The following CTNND2 variants were observed in gnomAD, a reference collection of about 807,000 sequenced individuals.
CTNND2 encodes catenin delta-2.
A neutral mutation model predicts 144.4 loss-of-function variants in CTNND2; 22 were observed. That is an observed-to-expected ratio of 0.15 (90% CI 0.11 to 0.22). The LOEUF is 0.22. CTNND2 is among the 10% of genes least tolerant of loss of function. The pLI is 1.00. For missense variants in CTNND2, 1,353 were observed against 1,618.8 expected, an observed-to-expected ratio of 0.84 and a Z score of 2.82; for synonymous variants, 751 against 695.6, an observed-to-expected ratio of 1.08 and a Z score of -1.25.
At position 11,685,380 on chromosome 5, in the gene CTNND2, T is replaced by C. The variant is rs1784601865; in HGVS notation, c.174+46756A>G. On this transcript the variant is annotated intron_variant, in intron 2 of 21. Coordinates refer to ENST00000304623, the MANE Select transcript of CTNND2 (RefSeq NM_001332.4). ...AGGTAGTTCACAATCTCACCTCTCA[T>C]GAATTCCTTACAACAAATACATAAT... 3.3e-5 allele frequency among the ~76,000 whole-genome samples: 5 copies of C among 152,210 alleles called. No individual in the cohort carries two copies. The South Asian group carries it at 1.0e-3, about 31-fold the overall frequency.
chr5:11,658,786 T>A (rs1783043204), intron 2 of CTNND2, among the ~76,000 whole-genome samples: 2 of 152,138 alleles, frequency 1.3e-5, no homozygotes, highest in African/African-American at 2.4e-5. Flanking sequence ...TTCCTGACAA[T>A]CAGCATTACT....
intron 2 of CTNND2, among the ~76,000 whole-genome samples, chr5:11,691,578 A>G (rs1784911485): frequency 6.6e-6 from 1 of 151,912 alleles, no homozygotes; most frequent in South Asian, 2.1e-4. Context: ...CAAATTATAT[A>G]TATTTTAAAA....
chr5:11,031,036 C>G (rs1297748965), intron 16 of CTNND2, among the ~76,000 whole-genome samples: 1 of 152,122 alleles, frequency 6.6e-6, no homozygotes, highest in African/African-American at 2.4e-5. Context: ...GGCATGCATA[C>G]TGGCTCTCTT....
intron 10 of CTNND2, among the ~76,000 whole-genome samples, chr5:11,204,343 T>C (rs997149804): frequency 5.9e-5 from 9 of 152,192 alleles, no homozygotes; most frequent in African/African-American, 2.2e-4. Flanking sequence ...TTCATACCCT[T>C]TGCCCTAAAA....
intron 1 of CTNND2, among the ~76,000 whole-genome samples, chr5:11,844,349 GAT>G (rs1193385706): frequency 1.3e-5 from 2 of 150,776 alleles, no homozygotes; most frequent in African/African-American, 4.9e-5. Context: ...TGAAGGGATG[GAT>G]AGACTGAAAT....
intron 1 of CTNND2, among the ~76,000 whole-genome samples, chr5:11,824,935 A>G (rs1438500333): frequency 6.6e-6 from 1 of 152,170 alleles, no homozygotes; most frequent in Non-Finnish European, 1.5e-5. Flanking sequence ...CACTGTACAC[A>G]TCTGAGCCTG....
chr5:11,699,859 T>C (rs1376852567), intron 2 of CTNND2, among the ~76,000 whole-genome samples: 1 of 152,248 alleles, frequency 6.6e-6, no homozygotes, highest in Admixed American at 6.5e-5. Context: ...AAGTACAACG[T>C]GCCAGGGTGT....
intron 12 of CTNND2, among the ~76,000 whole-genome samples, chr5:11,151,463 A>T (rs973702244): frequency 2.6e-4 from 40 of 152,200 alleles, no homozygotes; most frequent in Non-Finnish European, 7.4e-5. Flanking sequence ...ATCATTTTAA[A>T]CCAATTGATA....
intron 2 of CTNND2, among the ~76,000 whole-genome samples, chr5:11,590,526 A>C (rs1468215658): frequency 3.3e-5 from 5 of 151,990 alleles, no homozygotes; most frequent in African/African-American, 7.3e-5. Flanking sequence ...TGCCCTTGTG[A>C]TAATGTACTT....
intron 3 of CTNND2, among the ~76,000 whole-genome samples, chr5:11,461,554 C>T (rs1250896421): frequency 6.6e-6 from 1 of 152,066 alleles, no homozygotes; most frequent in Non-Finnish European, 1.5e-5. Context: ...GCCAGAGACC[C>T]CAGCTGAAGC....
At chr5:11,434,529 A>G (rs934705018) in intron 3 of CTNND2, among the ~76,000 whole-genome samples, 3 of 152,244 alleles carry the variant, frequency 2.0e-5, no homozygotes, top group Non-Finnish European at 4.4e-5. Context: ...GAAAGTAAAT[A>G]TTAAAATATA....
intron 1 of CTNND2, among the ~76,000 whole-genome samples, chr5:11,879,533 C>T (rs1367807592): frequency 1.3e-5 from 2 of 151,534 alleles, no homozygotes; most frequent in Non-Finnish European, 2.9e-5. Flanking sequence ...GAGCATGCTA[C>T]CATTTTATTT....
intron 17 of CTNND2, among the ~76,000 whole-genome samples, chr5:11,021,555 A>G (rs1742256827): frequency 6.6e-6 from 1 of 152,190 alleles, no homozygotes; most frequent in African/African-American, 2.4e-5. Flanking sequence ...AACAGTCTCC[A>G]CTGCGCAATT....
At chr5:11,709,288 T>C (rs1785894821) in intron 2 of CTNND2, among the ~76,000 whole-genome samples, 1 of 152,190 alleles carries the variant, frequency 6.6e-6, no homozygotes, top group South Asian at 2.1e-4. Context: ...ATTTACAAGA[T>C]GAAAGTCTTT....
chr5:11,215,099 T>C (rs1256324763), intron 10 of CTNND2, among the ~76,000 whole-genome samples: 1 of 152,214 alleles, frequency 6.6e-6, no homozygotes, highest in Non-Finnish European at 1.5e-5. Flanking sequence ...ATGTCATCTT[T>C]AGACTGAGCG....
At chr5:11,703,354 G>A (rs1159043906) in intron 2 of CTNND2, among the ~76,000 whole-genome samples, 2 of 152,132 alleles carry the variant, frequency 1.3e-5, no homozygotes, top group African/African-American at 4.8e-5. Flanking sequence ...GATTATTCCA[G>A]CAGGAAAACA....
chr5:11,031,954 T>C (rs945513772), intron 16 of CTNND2, among the ~76,000 whole-genome samples: 1 of 152,264 alleles, frequency 6.6e-6, no homozygotes, highest in Non-Finnish European at 1.5e-5. Flanking sequence ...GAGCCACTGA[T>C]GGCTTCTTTC....
chr5:11,801,080 G>A (rs1187891797), intron 1 of CTNND2, among the ~76,000 whole-genome samples: 1 of 152,164 alleles, frequency 6.6e-6, no homozygotes, highest in African/African-American at 2.4e-5. Flanking sequence ...CACTTTCAGG[G>A]CTGTTCTTCC....
chr5:11,200,479 T>G (rs530401214), intron 10 of CTNND2, among the ~76,000 whole-genome samples: 1 of 152,338 alleles, frequency 6.6e-6, no homozygotes, highest in East Asian at 1.9e-4. Flanking sequence ...TGAAAACTTT[T>G]GCATGTATAT....
Sources: allele counts gnomAD v4.1 joint callset (sites outside exome capture counted in the v4.1 genomes callset), GRCh38; gene constraint gnomAD v4.1.1; transcripts MANE v1.5; gene names NCBI Gene and HGNC (gene_info 2026-07-23, HGNC 2026-07-21).